Variants in NBAS observed in about 807,000 individuals in gnomAD.
NBAS encodes the protein NAG/BC035112 fusion.
NBAS carries 219 observed loss-of-function variants against 302.5 expected under a neutral mutation model. The observed-to-expected ratio is 0.72, with a 90% CI of 0.65 to 0.81. The LOEUF (loss-of-function observed/expected upper bound fraction) is 0.81, where lower values mean the gene tolerates loss of function less well. Ranked by LOEUF, NBAS falls within the 30% of genes least tolerant of loss-of-function variation. The pLI is 0.00. For missense variants in NBAS, 2,932 were observed against 2,841.6 expected, an observed-to-expected ratio of 1.03 and a Z score of -0.72; for synonymous variants, 1,118 against 1,021.6, an observed-to-expected ratio of 1.09 and a Z score of -1.80.
chr2:15,169,125 G>A (rs1443247168), intron 51 of NBAS, among the ~76,000 whole-genome samples: 1 of 152,174 alleles, frequency 6.6e-6, no homozygotes, highest in Non-Finnish European at 1.5e-5. Flanking sequence ...CTCTCAGAGA[G>A]ACTGAATAGA....
chr2:15,519,306 C>T (rs1662549749), intron 9 of NBAS, among the ~76,000 whole-genome samples: 1 of 152,132 alleles, frequency 6.6e-6, no homozygotes. Flanking sequence ...TACGGTGTGC[C>T]GGTTAGGGGG....
At chr2:15,137,169 T>C in the NBAS span, among the ~76,000 whole-genome samples, 1 of 152,204 alleles carries the variant, frequency 6.6e-6, no homozygotes, top group Non-Finnish European at 1.5e-5. Context: ...ACCTTGGACT[T>C]TCCCAGGCTC....
downstream of NBAS, among the ~76,000 whole-genome samples, chr2:15,164,328 CTTAAG>C (rs1308303702): frequency 3.3e-5 from 5 of 152,254 alleles, no homozygotes; most frequent in African/African-American, 7.2e-5. Context: ...GCTCTGATGA[CTTAAG>C]TTAACACGGC....
intron 49 of NBAS, among the ~76,000 whole-genome samples, chr2:15,189,769 A>G (rs538420550): frequency 1.3e-5 from 2 of 152,328 alleles, no homozygotes; most frequent in South Asian, 2.1e-4. Flanking sequence ...AGCCGTGTGA[A>G]GCCTGAAGTT....
rs541289396 is a variant in NBAS at position 15,550,348 on chromosome 2, C to A, written c.379+1145G>T. On this transcript the variant is annotated intron_variant, in intron 6 of 51. Coordinates refer to ENST00000281513, the MANE Select transcript of NBAS (RefSeq NM_015909.4). Reference sequence around the variant, plus strand: ...TTTATACTGCTTTATTTCCATTACACAAGAAAATCATGTAAAGCCCTAAAT... The same window carrying A: ...TTTATACTGCTTTATTTCCATTACAAAAGAAAATCATGTAAAGCCCTAAAT... Among the ~76,000 whole-genome samples, 106 of 152,248 alleles carry A rather than the reference C, an allele frequency of 7.0e-4. No individual in the cohort carries two copies. The Middle Eastern group carries it at 0.014, about 20-fold the overall frequency.
the NBAS span, among the ~76,000 whole-genome samples, chr2:14,937,945 A>G: frequency 6.6e-5 from 10 of 152,108 alleles, no homozygotes; most frequent in African/African-American, 2.2e-4. Flanking sequence ...CCTGACCAAT[A>G]TGGTGAAACC....
chr2:15,549,192 C>G (rs1664258307), intron 6 of NBAS, among the ~76,000 whole-genome samples: 1 of 151,926 alleles, frequency 6.6e-6, no homozygotes, highest in Admixed American at 6.6e-5. Flanking sequence ...GAAACTGGGG[C>G]TCAGAGAGGT....
At chr2:15,402,535 T>C (rs1172904205) in intron 25 of NBAS, among the ~76,000 whole-genome samples, 3 of 148,416 alleles carry the variant, frequency 2.0e-5, no homozygotes, top group African/African-American at 7.9e-5. Context: ...ATGTATCAGC[T>C]GAAAACAGAT....
the NBAS span, among the ~76,000 whole-genome samples, chr2:14,872,865 G>A: frequency 5.3e-5 from 8 of 152,152 alleles, no homozygotes; most frequent in East Asian, 7.7e-4. Flanking sequence ...TAAAGGCGGC[G>A]CCTCCGGAGT....
chr2:14,934,113 A>C, the NBAS span, among the ~76,000 whole-genome samples: 6 of 152,192 alleles, frequency 3.9e-5, no homozygotes, highest in Non-Finnish European at 7.3e-5. Context: ...TTACAAATGG[A>C]AAGGCTAGAT....
the NBAS span, among the ~76,000 whole-genome samples, chr2:14,894,315 C>T: frequency 6.6e-6 from 1 of 152,076 alleles, no homozygotes. Flanking sequence ...TTTCAGATGC[C>T]AGTGATGCAA....
the NBAS span, among the ~76,000 whole-genome samples, chr2:15,126,128 T>C: frequency 6.6e-6 from 1 of 152,086 alleles, no homozygotes; most frequent in Admixed American, 6.5e-5. Context: ...ACGAGTGAGT[T>C]CTCACTCCGA....
intron 44 of NBAS, among the ~76,000 whole-genome samples, chr2:15,245,647 A>ATGGATGGG (rs1668064068): frequency 6.6e-6 from 1 of 151,680 alleles, no homozygotes; most frequent in Non-Finnish European, 1.5e-5. Flanking sequence ...GGATGGATGG[A>ATGGATGGG]CGGACGGACG....
chr2:15,307,249 C>T (rs1259328644), intron 40 of NBAS, among the ~76,000 whole-genome samples: 1 of 152,156 alleles, frequency 6.6e-6, no homozygotes, highest in African/African-American at 2.4e-5. Flanking sequence ...ACGGGCTTTC[C>T]TATAGAGTGA....
intron 30 of NBAS, among the ~76,000 whole-genome samples, chr2:15,375,347 T>C (rs1054570094): frequency 1.3e-5 from 2 of 152,210 alleles, no homozygotes; most frequent in African/African-American, 4.8e-5. Flanking sequence ...ATTTAATAAA[T>C]GTTTCACTTG....
At chr2:14,933,158 G>A in the NBAS span, among the ~76,000 whole-genome samples, 2 of 152,168 alleles carry the variant, frequency 1.3e-5, no homozygotes, top group Non-Finnish European at 2.9e-5. Flanking sequence ...ATAAGACATA[G>A]TGCTAACAAA....
chr2:15,074,156 A>G, the NBAS span, among the ~76,000 whole-genome samples: 1 of 152,228 alleles, frequency 6.6e-6, no homozygotes, highest in Admixed American at 6.5e-5. Flanking sequence ...ATTCAAGTCC[A>G]TATGAAAATT....
intron 48 of NBAS, among the ~76,000 whole-genome samples, chr2:15,218,548 C>G (rs914584181): frequency 6.6e-6 from 1 of 152,146 alleles, no homozygotes; most frequent in African/African-American, 2.4e-5. Context: ...CTCAGCCTCC[C>G]GAGCAGCTGG....
At chr2:14,842,425 GACTA>G in the NBAS span, among the ~76,000 whole-genome samples, 1 of 151,702 alleles carries the variant, frequency 6.6e-6, no homozygotes, top group Non-Finnish European at 1.5e-5. Context: ...ACTTTCTTTA[GACTA>G]ACTAAAAAAA....
Sources: gnomAD v4.1 joint callset for allele counts (sites outside exome capture counted in the v4.1 genomes callset) on GRCh38, gnomAD v4.1.1 for gene constraint, MANE v1.5 for transcripts, NCBI Gene and HGNC (gene_info 2026-07-23, HGNC 2026-07-21) for gene names.